Variants in RANBP17 observed in about 807,000 individuals in gnomAD.
RANBP17 encodes the protein ran-binding protein 17.
A neutral mutation model predicts 141.2 loss-of-function variants in RANBP17; 158 were observed. The ratio of observed to expected loss-of-function variants is 1.12; its 90% confidence interval spans 0.98 to 1.28. The LOEUF (loss-of-function observed/expected upper bound fraction) is 1.28, where lower values mean the gene tolerates loss of function less well. Ranked by LOEUF, RANBP17 falls within the 50% of genes most tolerant of loss-of-function variation. RANBP17 has a pLI of 0.00. For synonymous variants in RANBP17, 430 were observed against 450.0 expected (o/e 0.96, Z 0.56); for missense variants, 1,438 against 1,290.7 (o/e 1.11, Z -1.75).
At chr5:171,100,028 G>A (rs572525565) in intron 14 of RANBP17, among the ~76,000 whole-genome samples, 39 of 152,126 alleles carry the variant, frequency 2.6e-4, no homozygotes, top group African/African-American at 8.4e-4. Flanking sequence ...AGGATTTTTC[G>A]CATCGATGTT....
At chr5:170,930,574 C>T (rs7721426) in intron 12 of RANBP17, among the ~76,000 whole-genome samples, 91,149 of 151,776 alleles carry the variant, frequency 0.6, 29,137 homozygotes, top group South Asian at 0.89. Context: ...CCCCACTCCC[C>T]GGCAGGCCCT....
At chr5:170,871,131 C>T (rs1462921385) in intron 1 of RANBP17, among the ~76,000 whole-genome samples, 1 of 152,136 alleles carries the variant, frequency 6.6e-6, no homozygotes, top group Non-Finnish European at 1.5e-5. Context: ...TCATTGCAAC[C>T]TCTGCCTCCC....
chr5:171,074,479 T>A (rs1784800561), intron 14 of RANBP17, among the ~76,000 whole-genome samples: 1 of 152,184 alleles, frequency 6.6e-6, no homozygotes, highest in South Asian at 2.1e-4. Context: ...TTAATAATAT[T>A]ATTGTACCAG....
At chr5:170,929,945 A>G (rs1773212877) in intron 12 of RANBP17, among the ~76,000 whole-genome samples, 1 of 152,148 alleles carries the variant, frequency 6.6e-6, no homozygotes, top group Non-Finnish European at 1.5e-5. Flanking sequence ...CAAGGAATTT[A>G]CTCAATGTTT....
intron 4 of RANBP17, among the ~76,000 whole-genome samples, chr5:170,894,496 A>ATATATATATATATG (rs1177590624): frequency 1.4e-5 from 2 of 147,046 alleles, no homozygotes; most frequent in African/African-American, 5.0e-5. Context: ...TTATATATAT[A>ATATATATATATATG]TATATATATA....
chr5:170,925,773 A>G (rs535514328), intron 12 of RANBP17, among the ~76,000 whole-genome samples: 2 of 119,590 alleles, frequency 1.7e-5, no homozygotes, highest in Admixed American at 9.2e-5. Context: ...ATATTTCTCA[A>G]CGTTATACAA....
At position 170,953,737 on chromosome 5, in the gene RANBP17, T is replaced by C. The variant is rs189895436; in HGVS notation, c.1574+35T>C. On this transcript the variant is annotated intron_variant, in intron 13 of 27. Transcript: ENST00000523189. Reference sequence around the variant, plus strand: ...AGCTATGTAATTTACTGAAATTCACTAAATAGTTAAAAAAAATTAGTTATT... The same window carrying C: ...AGCTATGTAATTTACTGAAATTCACCAAATAGTTAAAAAAAATTAGTTATT... 19 of 1,368,408 alleles carry C rather than the reference T, an allele frequency of 1.4e-5. No individual in the cohort carries two copies. In the East Asian group the frequency reaches 4.4e-4, roughly 31 times the overall value. 84.8% of individuals were successfully genotyped at this position (1,368,408 alleles called of 1,614,324 possible).
intron 14 of RANBP17, among the ~76,000 whole-genome samples, chr5:170,992,445 A>G (rs1268722703): frequency 6.6e-6 from 1 of 152,052 alleles, no homozygotes; most frequent in Non-Finnish European, 1.5e-5. Flanking sequence ...AGAGCAGGAA[A>G]GACATTTCAT....
At chr5:170,956,683 CG>C (rs1775723863) in intron 13 of RANBP17, among the ~76,000 whole-genome samples, 1 of 151,408 alleles carries the variant, frequency 6.6e-6, no homozygotes, top group African/African-American at 2.4e-5. Flanking sequence ...CTCTTGACCT[CG>C]GGTGATCTGC....
chr5:171,031,174 A>C (rs1357088609), intron 14 of RANBP17, among the ~76,000 whole-genome samples: 1 of 152,008 alleles, frequency 6.6e-6, no homozygotes, highest in Admixed American at 6.6e-5. Context: ...ACAGGCTTTA[A>C]ATATGTAGAT....
intron 21 of RANBP17, among the ~76,000 whole-genome samples, chr5:171,219,681 T>G (rs991138728): frequency 6.6e-6 from 1 of 151,842 alleles, no homozygotes; most frequent in Non-Finnish European, 1.5e-5. Flanking sequence ...CTTGATCGAT[T>G]TGGCTATTGA....
intron 12 of RANBP17, among the ~76,000 whole-genome samples, chr5:170,943,316 T>C (rs996452134): frequency 6.6e-6 from 1 of 152,128 alleles, no homozygotes; most frequent in Non-Finnish European, 1.5e-5. Flanking sequence ...TTTATTATTA[T>C]ATTATGATCT....
At chr5:170,930,562 C>T (rs899639160) in intron 12 of RANBP17, among the ~76,000 whole-genome samples, 6 of 151,916 alleles carry the variant, frequency 3.9e-5, no homozygotes, top group Admixed American at 2.6e-4. Context: ...CCTCCCCGCT[C>T]CCCCCACTCC....
intron 14 of RANBP17, among the ~76,000 whole-genome samples, chr5:171,084,349 T>C (rs1369200859): frequency 7.1e-6 from 1 of 141,554 alleles, no homozygotes; most frequent in Non-Finnish European, 1.5e-5. Context: ...ATTTTCTTAA[T>C]CCAGTCTATC....
chr5:171,150,668 A>G (rs1758411013), intron 14 of RANBP17, among the ~76,000 whole-genome samples: 1 of 152,192 alleles, frequency 6.6e-6, no homozygotes, highest in South Asian at 2.1e-4. Context: ...TTCTTTAAGA[A>G]GTTGAGGAAA....
At chr5:171,288,548 G>A (rs532857374) in intron 25 of RANBP17, among the ~76,000 whole-genome samples, 2 of 152,314 alleles carry the variant, frequency 1.3e-5, no homozygotes, top group East Asian at 1.9e-4. Context: ...CACATATCCC[G>A]GTTCAGCTTC....
chr5:171,201,066 CTTTATGAAAA>C (rs1762267534), intron 19 of RANBP17, among the ~76,000 whole-genome samples: 1 of 152,184 alleles, frequency 6.6e-6, no homozygotes. Flanking sequence ...AAAACATCAT[CTTTATGAAAA>C]TTACATCTGT....
chr5:171,023,783 C>T (rs1781043268), intron 14 of RANBP17, among the ~76,000 whole-genome samples: 1 of 152,194 alleles, frequency 6.6e-6, no homozygotes, highest in African/African-American at 2.4e-5. Flanking sequence ...TCTGTCTTCT[C>T]AACTCAGTGA....
rs368439874 is a variant in RANBP17, at chr5:170,896,047, A to G, written c.424-3A>G. The G allele has an allele frequency of 8.2e-6, 13 of 1,582,076 alleles. No homozygotes were observed. The African/African-American group carries it at 9.5e-5, about 12-fold the overall frequency. On this transcript the variant is annotated splice_region_variant and splice_polypyrimidine_tract_variant and intron_variant, in intron 4 of 27. Transcript: ENST00000523189. ...AGGCTAAACTTTGTTATTTTCTCCA[A>G]AGGGTACTGTGGAACACTGCATAAT...
Sources: allele counts gnomAD v4.1 joint callset (sites outside exome capture counted in the v4.1 genomes callset), GRCh38; gene constraint gnomAD v4.1.1; transcripts MANE v1.5; gene names NCBI Gene and HGNC (gene_info 2026-07-23, HGNC 2026-07-21).